MYRIP: variants seen among roughly 807,000 people sequenced by gnomAD.
MYRIP encodes the protein rab effector MyRIP.
Under a neutral mutation model 98.0 loss-of-function variants are expected in MYRIP, and 49 were observed. That is an observed-to-expected ratio of 0.50 (90% confidence interval 0.40 to 0.63). The LOEUF (loss-of-function observed/expected upper bound fraction) is 0.63. MYRIP is among the 30% of genes least tolerant of loss of function. The pLI is 0.00. For missense variants in MYRIP, 1,004 were observed against 1,058.2 expected, an observed-to-expected ratio of 0.95 and a Z score of 0.71; for synonymous variants, 404 against 409.5, an observed-to-expected ratio of 0.99 and a Z score of 0.16.
At chr3:39,824,315 G>A (rs1418306214) in intron 1 of MYRIP, among the ~76,000 whole-genome samples, 1 of 152,006 alleles carries the variant, frequency 6.6e-6, no homozygotes, top group Non-Finnish European at 1.5e-5. Flanking sequence ...TCTTTGCTCT[G>A]GATTGCTTTG....
intron 2 of MYRIP, among the ~76,000 whole-genome samples, chr3:39,959,254 C>T (rs1268711138): frequency 2.0e-5 from 3 of 152,156 alleles, no homozygotes; most frequent in Non-Finnish European, 4.4e-5. Flanking sequence ...TTCACAATAG[C>T]AAAGACTTGG....
chr3:39,870,576 A>G (rs1206742423), intron 1 of MYRIP, among the ~76,000 whole-genome samples: 2 of 152,136 alleles, frequency 1.3e-5, no homozygotes, highest in African/African-American at 2.4e-5. Flanking sequence ...TATTTCTCTA[A>G]AAGGGCATTT....
intron 8 of MYRIP, among the ~76,000 whole-genome samples, chr3:40,174,939 C>T (rs1019352660): frequency 9.9e-5 from 15 of 152,028 alleles, no homozygotes; most frequent in African/African-American, 3.1e-4. Flanking sequence ...GTCAGGAGAT[C>T]GAGACCATCC....
intron 3 of MYRIP, among the ~76,000 whole-genome samples, chr3:40,150,166 CT>C (rs1318199769): frequency 6.6e-6 from 1 of 152,102 alleles, no homozygotes; most frequent in Non-Finnish European, 1.5e-5. Context: ...TCTTGGCTCA[CT>C]GCAGCCTCCA....
intron 2 of MYRIP, among the ~76,000 whole-genome samples, chr3:39,954,282 A>G (rs1444437072): frequency 6.6e-6 from 1 of 152,094 alleles, no homozygotes; most frequent in African/African-American, 2.4e-5. Context: ...TTGACACCTC[A>G]TACAGCCAGG....
rs370618173 is a variant in MYRIP at position 39,824,955 on chromosome 3, TG to T, written c.-31+15040del. On this transcript the variant is annotated intron_variant, in intron 1 of 16. Transcript: ENST00000302541. ...CTAGTCTCAAACTCCTGGCCTCAAG[TG>T]ATCCTTCCACCTTGTATTTCCATAG... is the stretch of plus-strand genomic sequence containing the variant. 3.0e-4 allele frequency among the ~76,000 whole-genome samples: 45 copies of T among 152,278 alleles called. No individual in the cohort carries two copies. The East Asian group carries it at 7.7e-3, about 26-fold the overall frequency.
intron 3 of MYRIP, among the ~76,000 whole-genome samples, chr3:40,064,890 G>A (rs1948095013): frequency 6.6e-6 from 1 of 152,144 alleles, no homozygotes; most frequent in Non-Finnish European, 1.5e-5. Flanking sequence ...TCTAGGAGGG[G>A]AACACTGGAT....
At chr3:40,072,809 T>G (rs2125860578) in intron 3 of MYRIP, among the ~76,000 whole-genome samples, 1 of 138,446 alleles carries the variant, frequency 7.2e-6, no homozygotes, top group South Asian at 2.5e-4. Context: ...CTGCTAGTTC[T>G]CGTAAACATG....
chr3:40,190,576 C>T (rs1475736802), intron 10 of MYRIP, 113 bp downstream of exon 10: 9 of 1,453,234 alleles, frequency 6.2e-6, no homozygotes, highest in Non-Finnish European at 8.2e-6. Context: ...CCCAGATTCT[C>T]ATCTTGGTTT....
intron 11 of MYRIP, among the ~76,000 whole-genome samples, chr3:40,223,842 G>T (rs898648476): frequency 6.6e-6 from 1 of 152,188 alleles, no homozygotes; most frequent in Non-Finnish European, 1.5e-5. Flanking sequence ...TAAACATGTA[G>T]ACACATGAAG....
intron 1 of MYRIP, among the ~76,000 whole-genome samples, chr3:39,825,063 A>G (rs1941223381): frequency 6.6e-6 from 1 of 152,144 alleles, no homozygotes; most frequent in Admixed American, 6.6e-5. Context: ...CTACAACTTT[A>G]TTGAATTTGT....
At chr3:39,997,249 G>A (rs987297219) in intron 2 of MYRIP, among the ~76,000 whole-genome samples, 6 of 152,226 alleles carry the variant, frequency 3.9e-5, no homozygotes, top group Admixed American at 3.3e-4. Context: ...CTAGGAGCTG[G>A]TTTTTTGAGA....
chr3:39,813,200 G>A (rs1940760153), intron 1 of MYRIP, among the ~76,000 whole-genome samples: 1 of 152,136 alleles, frequency 6.6e-6, no homozygotes. Flanking sequence ...AGAATACATA[G>A]CCCTGGCTGT....
intron 2 of MYRIP, among the ~76,000 whole-genome samples, chr3:39,954,369 C>T (rs1234371090): frequency 1.3e-5 from 2 of 152,102 alleles, no homozygotes; most frequent in Admixed American, 6.5e-5. Context: ...ATGTGCTGTT[C>T]TGTAGCCTCC....
chr3:40,012,196 A>G (rs1444180468), intron 2 of MYRIP, among the ~76,000 whole-genome samples: 1 of 152,194 alleles, frequency 6.6e-6, no homozygotes. Flanking sequence ...CATGTTCTTC[A>G]ATCAAGTGTA....
At chr3:40,158,925 A>C (rs1251624917) in intron 4 of MYRIP, among the ~76,000 whole-genome samples, 1 of 152,006 alleles carries the variant, frequency 6.6e-6, no homozygotes, top group East Asian at 1.9e-4. Context: ...AATACAGCAC[A>C]CTGATGGGTC....
At chr3:40,182,872 T>G (rs994998305) in intron 9 of MYRIP, among the ~76,000 whole-genome samples, 8 of 152,198 alleles carry the variant, frequency 5.3e-5, no homozygotes, top group African/African-American at 1.9e-4. Flanking sequence ...TTAGTTAGGG[T>G]AGCATATGCC....
At chr3:40,040,044 T>C (rs991964931) in intron 2 of MYRIP, among the ~76,000 whole-genome samples, 2 of 152,200 alleles carry the variant, frequency 1.3e-5, no homozygotes, top group Non-Finnish European at 2.9e-5. Context: ...TCATTGGATT[T>C]AGAGCTCACT....
intron 1 of MYRIP, among the ~76,000 whole-genome samples, chr3:39,857,720 G>T (rs1942347353): frequency 6.6e-6 from 1 of 151,986 alleles, no homozygotes; most frequent in African/African-American, 2.4e-5. Context: ...TATGACAAAA[G>T]GTATAAATTG....
Sources: allele counts gnomAD v4.1 joint callset (sites outside exome capture counted in the v4.1 genomes callset), GRCh38; gene constraint gnomAD v4.1.1; transcripts MANE v1.5; gene names NCBI Gene and HGNC (gene_info 2026-07-23, HGNC 2026-07-21).